Variants in BMERB1 observed in about 807,000 individuals in gnomAD.
The protein encoded by BMERB1 is bMERB domain-containing protein 1.
In BMERB1, 12 loss-of-function variants were observed where a neutral mutation model predicts 23.6. The ratio of observed to expected loss-of-function variants is 0.51; its 90% CI spans 0.33 to 0.82. The LOEUF is 0.82. Among genes scored for constraint, BMERB1 ranks in the 40% least tolerant of loss-of-function variants. The probability of loss-of-function intolerance (pLI) is 0.03; values close to 1 mark genes in which losing one functional copy is unlikely to be tolerated. For missense variants in BMERB1, 247 were observed against 255.4 expected (o/e 0.97, Z 0.22); for synonymous variants, 122 against 96.6 (o/e 1.26, Z -1.54).
chr16:15,442,974 G>A (rs1446093513), intron 1 of BMERB1, among the ~76,000 whole-genome samples: 1 of 152,160 alleles, frequency 6.6e-6, no homozygotes. Context: ...AGGGCCGGGC[G>A]TGGTTGCTCA....
intron 1 of BMERB1, among the ~76,000 whole-genome samples, chr16:15,436,930 TAAAAC>T (rs958806736): frequency 8.9e-4 from 135 of 152,124 alleles, no homozygotes; most frequent in African/African-American, 3.2e-3. Flanking sequence ...ATAAAAATTT[TAAAAC>T]AAAACATTTT....
In BMERB1 at chr16:15,505,734, A is replaced by G. The variant is rs547920707; in HGVS notation, c.107-9571A>G. On this transcript the variant is annotated intron_variant, in intron 1 of 5. Transcript: ENST00000300006. ...GAAACCCGTCTCTACTAAAAGTACA[A>G]AAAATTAGGCTGGTGTGGTGGTGGG... 1.4e-4 allele frequency among the ~76,000 whole-genome samples: 22 copies of G among 151,986 alleles called. No individual in the cohort carries two copies. In the East Asian group the frequency reaches 3.9e-3, roughly 27 times the overall value.
At chr16:15,457,922 A>G (rs1338585131) in intron 1 of BMERB1, among the ~76,000 whole-genome samples, 1 of 152,212 alleles carries the variant, frequency 6.6e-6, no homozygotes, top group Non-Finnish European at 1.5e-5. Context: ...TTCACAGGGC[A>G]GTAGAAGAGA....
chr16:15,455,485 G>A (rs1004975011), intron 1 of BMERB1, among the ~76,000 whole-genome samples: 2 of 151,722 alleles, frequency 1.3e-5, no homozygotes, highest in African/African-American at 4.8e-5. Context: ...TTTTGAGATG[G>A]AGTCTCGCTC....
chr16:15,448,482 C>T (rs191762501), intron 1 of BMERB1, among the ~76,000 whole-genome samples: 315 of 152,228 alleles, frequency 2.1e-3, no homozygotes, highest in African/African-American at 7.0e-3. Flanking sequence ...TGTCATTAGC[C>T]TGAGGTCTTA....
intron 1 of BMERB1, among the ~76,000 whole-genome samples, chr16:15,479,492 A>C (rs541789474): frequency 6.6e-6 from 1 of 152,288 alleles, no homozygotes; most frequent in Admixed American, 6.5e-5. Flanking sequence ...TTTGGGTGTC[A>C]TAGAAAATAA....
intron 1 of BMERB1, among the ~76,000 whole-genome samples, chr16:15,476,984 G>C (rs571796743): frequency 1.3e-5 from 2 of 152,200 alleles, no homozygotes; most frequent in South Asian, 4.1e-4. Context: ...GGGCAGATAT[G>C]GTTAAAAAAA....
intron 1 of BMERB1, among the ~76,000 whole-genome samples, chr16:15,489,283 C>G (rs1020736573): frequency 6.6e-6 from 1 of 152,140 alleles, no homozygotes; most frequent in African/African-American, 2.4e-5. Flanking sequence ...GGAGGCAAAT[C>G]AACAAATGTC....
chr16:15,485,479 C>T (rs1213264880), intron 1 of BMERB1, among the ~76,000 whole-genome samples: 1 of 149,042 alleles, frequency 6.7e-6, no homozygotes, highest in African/African-American at 2.5e-5. Flanking sequence ...CTTTTTCCAT[C>T]TCGCTTGTGT....
At chr16:15,551,935 T>C (rs1017047865) in intron 2 of BMERB1, among the ~76,000 whole-genome samples, 34 of 152,160 alleles carry the variant, frequency 2.2e-4, no homozygotes, top group African/African-American at 8.0e-4. Context: ...CCCTTAGTTC[T>C]GGGATAACAG....
intron 4 of BMERB1, among the ~76,000 whole-genome samples, chr16:15,582,765 T>A (rs1387030635): frequency 6.6e-6 from 1 of 152,128 alleles, no homozygotes; most frequent in Non-Finnish European, 1.5e-5. Flanking sequence ...ATCTTGGTGA[T>A]CCTTGGAAGA....
intron 2 of BMERB1, among the ~76,000 whole-genome samples, chr16:15,548,984 C>T (rs62036866): frequency 0.06 from 9,063 of 152,042 alleles, 289 homozygotes; most frequent in East Asian, 0.081. Context: ...GAGGCTTCCC[C>T]GGGGCCTGCA....
rs375702779 is a variant in BMERB1 at position 15,515,657 on chromosome 16, AC to A, written c.230+231del. ...GAATTCAGGCCAATCTGACTCCAAA[AC>A]CTTTGTTCTTTCTGTATCACCCACG... On this transcript the variant is annotated intron_variant, in intron 2 of 5. Transcript: ENST00000300006. Among the ~76,000 whole-genome samples the A allele has an allele frequency of 7.2e-5, 11 of 152,092 alleles. No individual in the cohort carries two copies. In the East Asian group the frequency reaches 1.5e-3, roughly 21 times the overall value.
chr16:15,505,777 A>G (rs934649012), intron 1 of BMERB1, among the ~76,000 whole-genome samples: 2 of 151,658 alleles, frequency 1.3e-5, no homozygotes. Context: ...AGTCCCAGCT[A>G]CTTGGGAGGC....
chr16:15,510,485 T>C (rs1399502108), intron 1 of BMERB1, among the ~76,000 whole-genome samples: 1 of 152,112 alleles, frequency 6.6e-6, no homozygotes, highest in Admixed American at 6.5e-5. Context: ...TGCAAGCATA[T>C]ATTAAACGTG....
chr16:15,572,768 A>T (rs1252875847), intron 3 of BMERB1, among the ~76,000 whole-genome samples: 2 of 152,104 alleles, frequency 1.3e-5, no homozygotes, highest in Non-Finnish European at 2.9e-5. Context: ...TCTCATCTTG[A>T]ATTGTAGCTC....
intron 1 of BMERB1, among the ~76,000 whole-genome samples, chr16:15,450,454 T>TA (rs1421187266): frequency 5.3e-5 from 8 of 152,126 alleles, no homozygotes; most frequent in Admixed American, 5.2e-4. Flanking sequence ...AATAGGCATG[T>TA]AAAAGGTATT....
At chr16:15,494,877 CTTTTTTTTT>C (rs754135430) in intron 1 of BMERB1, among the ~76,000 whole-genome samples, 9 of 95,176 alleles carry the variant, frequency 9.5e-5, no homozygotes, top group African/African-American at 2.0e-4. Context: ...TTTTTTTTAT[CTTTTTTTTT>C]TTTTTTTTTT....
chr16:15,537,957 C>T (rs1398309413), intron 2 of BMERB1, among the ~76,000 whole-genome samples: 2 of 152,152 alleles, frequency 1.3e-5, no homozygotes, highest in Non-Finnish European at 2.9e-5. Context: ...CCGTGCGTGG[C>T]TGAAAATTCT....
Sources: allele counts gnomAD v4.1 joint callset (sites outside exome capture counted in the v4.1 genomes callset), GRCh38; gene constraint gnomAD v4.1.1; transcripts MANE v1.5; gene names NCBI Gene and HGNC (gene_info 2026-07-23, HGNC 2026-07-21).